Variants in RPS6KA5 observed in about 807,000 individuals in gnomAD.
The protein encoded by RPS6KA5 is ribosomal protein S6 kinase alpha-5.
RPS6KA5 carries 27 observed loss-of-function variants against 85.5 expected under a neutral mutation model. The observed-to-expected ratio is 0.32, with a 90% CI of 0.23 to 0.44. RPS6KA5 has a LOEUF of 0.44. Among genes scored for constraint, RPS6KA5 ranks in the 20% least tolerant of loss-of-function variants. The pLI, the probability that RPS6KA5 is intolerant of heterozygous loss-of-function variation, is 1.00. For missense variants in RPS6KA5, 811 were observed against 980.9 expected (o/e 0.83, Z 2.31); for synonymous variants, 334 against 348.2 (o/e 0.96, Z 0.46).
Position 90,864,568 on chromosome 14 carries a change from T to C in RPS6KA5, c.*7506A>G, listed in dbSNP as rs1273367761. 1 of 152,128 alleles carries C rather than the reference T, an allele frequency of 6.6e-6. No individual in the cohort carries two copies. The highest frequency in any genetic ancestry group is 1.5e-5 in the Non-Finnish European group (1 of 68,026). The allele number at this position is 152,128 out of a possible 1,614,324, so 9.4% of individuals were successfully genotyped here. A position where few individuals can be genotyped will look rare whatever the true frequency, so the allele number is the denominator to read the frequency against. Reference sequence around the variant, plus strand: ...TTGGACTTCATAAAATTTTTGGTCATCAAAGGAAAGCACTTAGAAAGTAGA... The same window carrying C: ...TTGGACTTCATAAAATTTTTGGTCACCAAAGGAAAGCACTTAGAAAGTAGA... On this transcript the variant is annotated 3_prime_UTR_variant, in exon 17 of 17. Coordinates refer to ENST00000614987, the MANE Select transcript of RPS6KA5 (RefSeq NM_004755.4).
intron 3 of RPS6KA5, among the ~76,000 whole-genome samples, chr14:90,952,495 G>A (rs1024054328): frequency 2.6e-5 from 4 of 152,162 alleles, no homozygotes; most frequent in African/African-American, 9.7e-5. Context: ...TCATTACACT[G>A]GCCACCACTG....
chr14:90,976,827 G>A (rs2039591231), intron 3 of RPS6KA5, among the ~76,000 whole-genome samples: 1 of 152,150 alleles, frequency 6.6e-6, no homozygotes, highest in Admixed American at 6.5e-5. Context: ...AAATGAGCAT[G>A]AAGTGTAACA....
chr14:90,970,506 C>T (rs1182506092), intron 3 of RPS6KA5, among the ~76,000 whole-genome samples: 1 of 152,176 alleles, frequency 6.6e-6, no homozygotes, highest in African/African-American at 2.4e-5. Flanking sequence ...CTTGGCATTA[C>T]CTTTACAAAC....
intron 1 of RPS6KA5, among the ~76,000 whole-genome samples, chr14:91,039,926 C>T (rs914771173): frequency 4.6e-5 from 7 of 152,066 alleles, no homozygotes; most frequent in Non-Finnish European, 8.8e-5. Context: ...TTAGATTAGA[C>T]ACTGAACTTA....
At chr14:91,023,912 C>T (rs938271171) in intron 1 of RPS6KA5, among the ~76,000 whole-genome samples, 3 of 152,150 alleles carry the variant, frequency 2.0e-5, no homozygotes, top group Admixed American at 6.5e-5. Flanking sequence ...GTATCATTAT[C>T]AATTTTCCCC....
At chr14:90,984,529 T>A (rs989163958) in intron 2 of RPS6KA5, among the ~76,000 whole-genome samples, 2 of 152,240 alleles carry the variant, frequency 1.3e-5, no homozygotes, top group Non-Finnish European at 2.9e-5. Context: ...GGATTTATAA[T>A]TCTATTCTAC....
intron 4 of RPS6KA5, among the ~76,000 whole-genome samples, chr14:90,946,303 AC>A (rs35509864): frequency 0.6 from 90,911 of 151,052 alleles, 27,856 homozygotes; most frequent in African/African-American, 0.74. Flanking sequence ...CTGCCCCTCA[AC>A]CCCCCCATTA....
At chr14:90,938,873 C>A (rs147193429) in intron 5 of RPS6KA5, among the ~76,000 whole-genome samples, 1,532 of 152,308 alleles carry the variant, frequency 0.01, 91 homozygotes, top group Admixed American at 0.091. Context: ...CTCTGGCATG[C>A]CCTGAGCCAT....
In RPS6KA5 at chr14:90,863,302, CAAAAAAAAAA is replaced by C. The variant is rs61230626; in HGVS notation, c.*8762_*8771del. On this transcript the variant is annotated 3_prime_UTR_variant, in exon 17 of 17. Coordinates refer to ENST00000614987, the MANE Select transcript of RPS6KA5 (RefSeq NM_004755.4). ...TGGGTGGCAGAGCGAGACTCCGTCT[CAAAAAAAAAA>C]AAAAAAAAAAAAAAAAAAGAAAAGA... 2.3e-3 allele frequency: 57 copies of C among 24,794 alleles called. No homozygotes were observed. Among genetic ancestry groups the C allele is most frequent in the Non-Finnish European group, 4.7e-3 (54 of 11,454 alleles). The allele number at this position is 24,794 out of a possible 1,614,324, so 1.5% of individuals were successfully genotyped here.
intron 7 of RPS6KA5, among the ~76,000 whole-genome samples, chr14:90,910,586 T>C (rs2035753329): frequency 6.8e-6 from 1 of 147,438 alleles, no homozygotes. Flanking sequence ...CACTAAAATA[T>C]AACAAAGACC....
chr14:91,027,383 G>GT (rs959144476), intron 1 of RPS6KA5, among the ~76,000 whole-genome samples: 1 of 151,802 alleles, frequency 6.6e-6, no homozygotes, highest in Non-Finnish European at 1.5e-5. Context: ...CCACTGCTTG[G>GT]TTTTTTTTCC....
Position 91,042,813 on chromosome 14 carries a change from A to G in RPS6KA5, c.103+17519T>C, listed in dbSNP as rs1450793949. 2.6e-5 allele frequency among the ~76,000 whole-genome samples: 4 copies of G among 152,086 alleles called. No individual in the cohort carries two copies. In the East Asian group the frequency reaches 7.7e-4, roughly 29 times the overall value. On this transcript the variant is annotated intron_variant, in intron 1 of 16. Coordinates refer to ENST00000614987, the MANE Select transcript of RPS6KA5 (RefSeq NM_004755.4). ...CACCATCGTCTATCCCATCTTGTAC[A>G]GTTTTAATAGCTATGAAACTGTAGT...
At chr14:91,059,182 A>C (rs1311650882) in intron 1 of RPS6KA5, among the ~76,000 whole-genome samples, 1 of 146,450 alleles carries the variant, frequency 6.8e-6, no homozygotes, top group Non-Finnish European at 1.5e-5. Flanking sequence ...CCCCACAAAA[A>C]ATACAAAATT....
intron 2 of RPS6KA5, among the ~76,000 whole-genome samples, chr14:90,985,640 T>TA (rs887009459): frequency 3.9e-5 from 6 of 152,192 alleles, no homozygotes; most frequent in Admixed American, 6.5e-5. Flanking sequence ...AACTACCACT[T>TA]AAAAAATACA....
At chr14:90,972,460 T>C in intron 3 of RPS6KA5, among the ~76,000 whole-genome samples, 1 of 152,140 alleles carries the variant, frequency 6.6e-6, no homozygotes, top group East Asian at 1.9e-4. Context: ...GACCCAAACA[T>C]ATATGAGAAT....
At chr14:90,956,028 C>G (rs539234318) in intron 3 of RPS6KA5, among the ~76,000 whole-genome samples, 1 of 152,228 alleles carries the variant, frequency 6.6e-6, no homozygotes, top group East Asian at 1.9e-4. Context: ...AAAGAAAAAA[C>G]CGTTTAACAA....
At chr14:90,992,701 T>C (rs2040362344) in intron 2 of RPS6KA5, among the ~76,000 whole-genome samples, 1 of 152,228 alleles carries the variant, frequency 6.6e-6, no homozygotes, top group Non-Finnish European at 1.5e-5. Flanking sequence ...GAATTATCTA[T>C]GCCTTGAATG....
At chr14:91,002,235 T>C (rs916175052) in intron 1 of RPS6KA5, among the ~76,000 whole-genome samples, 7 of 152,128 alleles carry the variant, frequency 4.6e-5, no homozygotes, top group East Asian at 1.9e-4. Flanking sequence ...TGATTTACTT[T>C]GAAATGCATT....
At position 90,863,326 on chromosome 14, in the gene RPS6KA5, A is replaced by AAAAAAAAAAAG. The variant is rs1566662643; in HGVS notation, c.*8747_*8748insCTTTTTTTTTT. 6.4e-5 allele frequency: 9 copies of AAAAAAAAAAAG among 141,464 alleles called. No homozygotes were observed. The highest frequency in any genetic ancestry group is 2.0e-4 in the African/African-American group (7 of 35,460). The allele number at this position is 141,464 out of a possible 1,614,324, so 8.8% of individuals were successfully genotyped here. A position where few individuals can be genotyped will look rare whatever the true frequency, so the allele number is the denominator to read the frequency against. ...TCAAAAAAAAAAAAAAAAAAAAAAA[A>AAAAAAAAAAAG]AAAAGAAAAGAAAAGAAAAAAATAT... On this transcript the variant is annotated 3_prime_UTR_variant, in exon 17 of 17. Coordinates refer to ENST00000614987, the MANE Select transcript of RPS6KA5 (RefSeq NM_004755.4).
Sources: gnomAD v4.1 joint callset for allele counts (sites outside exome capture counted in the v4.1 genomes callset) on GRCh38, gnomAD v4.1.1 for gene constraint, MANE v1.5 for transcripts, NCBI Gene and HGNC (gene_info 2026-07-23, HGNC 2026-07-21) for gene names.